Variants in KAT6B observed in about 807,000 individuals in gnomAD.
KAT6B encodes the protein lysine acetyltransferase 6B, also known as histone acetyltransferase KAT6B.
Under a neutral mutation model 187.5 loss-of-function variants are expected in KAT6B, and 10 were observed. The ratio of observed to expected loss-of-function variants is 0.05; its 90% CI spans 0.03 to 0.09. The LOEUF (loss-of-function observed/expected upper bound fraction) is 0.09, where lower values mean the gene tolerates loss of function less well. Ranked by LOEUF, KAT6B falls within the 10% of genes least tolerant of loss-of-function variation. The probability of loss-of-function intolerance (pLI) is 1.00; values close to 1 mark genes in which losing one functional copy is unlikely to be tolerated. For synonymous variants in KAT6B, 861 were observed against 926.8 expected (o/e 0.93, Z 1.29); for missense variants, 1,952 against 2,558.9 (o/e 0.76, Z 5.12).
chr10:74,843,965 C>T (rs1841929756), intron 3 of KAT6B, among the ~76,000 whole-genome samples: 1 of 151,980 alleles, frequency 6.6e-6, no homozygotes, highest in South Asian at 2.1e-4. Context: ...CCTCTGCCTC[C>T]CAGGTTTAAG....
chr10:74,869,229 C>G (rs1589511932), intron 3 of KAT6B, among the ~76,000 whole-genome samples: 1 of 152,204 alleles, frequency 6.6e-6, no homozygotes, highest in East Asian at 1.9e-4. Context: ...ATAATCAAAG[C>G]ATATATACAG....
chr10:74,975,550 A>C lies in KAT6B; in HGVS notation c.1213A>C (p.Thr405Pro), dbSNP rs755528779. Residue 405 changes from threonine (T) to proline (P), a missense_variant, in exon 8 of 18, where the codon ACT becomes CCT. By Grantham distance (38) the Thr-to-Pro change is conservative. Around this residue, in one of 9 missense-constraint regions of KAT6B, gnomAD observed 417 missense variants for 508.9 expected, o/e 0.82. Coordinates refer to ENST00000287239, the MANE Select transcript of KAT6B (RefSeq NM_012330.4). ...SSSRLAVTDP[T>P]RPGATTKITT... ...CAGCAGATTGGCTGTTACAGACCCC[A>C]CTCGGCCTGGTGCCACCACCAAAAT... 3.7e-6 allele frequency: 6 copies of C among 1,613,846 alleles called. No homozygotes were observed. Among genetic ancestry groups the C allele is most frequent in the Non-Finnish European group, 5.1e-6 (6 of 1,179,974 alleles).
intron 13 of KAT6B, among the ~76,000 whole-genome samples, chr10:74,992,220 G>A (rs1564610301): frequency 2.0e-5 from 3 of 152,120 alleles, no homozygotes; most frequent in Admixed American, 6.6e-5. Context: ...GCTGAAACAC[G>A]ATACGAGCAG....
At position 74,900,953 on chromosome 10, in the gene KAT6B, A is replaced by G. The variant is rs937339515; in HGVS notation, c.621+57475A>G. ...CATTCACCTAATACTCCATGAAAGT[A>G]TATATTCTTGAGTGTCCTAAGTGTG... On this transcript the variant is annotated intron_variant, in intron 3 of 17. Coordinates refer to ENST00000287239, the MANE Select transcript of KAT6B (RefSeq NM_012330.4). 2.6e-5 allele frequency among the ~76,000 whole-genome samples: 4 copies of G among 152,300 alleles called. No homozygotes were observed. The East Asian group carries it at 7.7e-4, about 29-fold the overall frequency.
At chr10:74,919,617 G>C (rs1221012106) in intron 3 of KAT6B, among the ~76,000 whole-genome samples, 1 of 152,132 alleles carries the variant, frequency 6.6e-6, no homozygotes, top group Non-Finnish European at 1.5e-5. Flanking sequence ...TGGCCAGGCT[G>C]GTCTTGAACT....
intron 3 of KAT6B, among the ~76,000 whole-genome samples, chr10:74,940,422 C>A (rs940401700): frequency 2.6e-5 from 4 of 151,350 alleles, no homozygotes; most frequent in African/African-American, 7.3e-5. Flanking sequence ...ACTACAGGCA[C>A]GTGCCACCAT....
At chr10:75,027,438 A>T (rs1473263762) in intron 17 of KAT6B, among the ~76,000 whole-genome samples, 1 of 152,174 alleles carries the variant, frequency 6.6e-6, no homozygotes, top group Non-Finnish European at 1.5e-5. Flanking sequence ...TGATTGTGAG[A>T]TCTTATTTTT....
chr10:75,008,032 T>C (rs560393986), intron 13 of KAT6B, among the ~76,000 whole-genome samples: 2 of 152,340 alleles, frequency 1.3e-5, no homozygotes, highest in South Asian at 4.1e-4. Context: ...TTGAGTCTAG[T>C]TCATTAGAGA....
At chr10:74,871,185 CTTTTTTTT>C (rs746074814) in intron 3 of KAT6B, among the ~76,000 whole-genome samples, 13 of 76,742 alleles carry the variant, frequency 1.7e-4, no homozygotes, top group African/African-American at 6.1e-4. Context: ...CAAGCCTGGC[CTTTTTTTT>C]TTTTTTTTTT....
chr10:74,943,171 T>G (rs1157093106), intron 3 of KAT6B, among the ~76,000 whole-genome samples: 1 of 152,214 alleles, frequency 6.6e-6, no homozygotes, highest in Non-Finnish European at 1.5e-5. Context: ...TAAAGTTGCA[T>G]TTCTATATGG....
intron 3 of KAT6B, among the ~76,000 whole-genome samples, chr10:74,889,316 G>A (rs928938322): frequency 7.2e-5 from 11 of 152,144 alleles, no homozygotes; most frequent in African/African-American, 2.2e-4. Flanking sequence ...TGTCTCTGAT[G>A]TCTGATCCAT....
chr10:74,845,850 C>G (rs1486724440), intron 3 of KAT6B, among the ~76,000 whole-genome samples: 6 of 147,606 alleles, frequency 4.1e-5, no homozygotes, highest in African/African-American at 1.5e-4. Flanking sequence ...GGCAAACCAC[C>G]TGGTCCTACA....
chr10:74,993,299 G>A (rs1228612526), intron 13 of KAT6B, among the ~76,000 whole-genome samples: 2 of 152,190 alleles, frequency 1.3e-5, no homozygotes, highest in Non-Finnish European at 2.9e-5. Flanking sequence ...CAGACTTAGA[G>A]AAAAGCTCTA....
intron 3 of KAT6B, among the ~76,000 whole-genome samples, chr10:74,877,481 T>C (rs1191485927): frequency 6.6e-6 from 1 of 152,230 alleles, no homozygotes; most frequent in African/African-American, 2.4e-5. Flanking sequence ...ACTCCCTTTA[T>C]TGCAGTTTTG....
At chr10:74,957,019 A>G (rs1868625) in intron 3 of KAT6B, among the ~76,000 whole-genome samples, 19,417 of 152,204 alleles carry the variant, frequency 0.13, 1,959 homozygotes, top group South Asian at 0.28. Context: ...ACTTACCTGT[A>G]GTAGATTTGT....
intron 13 of KAT6B, among the ~76,000 whole-genome samples, chr10:74,994,996 A>T (rs907442838): frequency 7.2e-5 from 11 of 152,104 alleles, no homozygotes; most frequent in Admixed American, 5.2e-4. Context: ...TCCCTTCATG[A>T]GTTCAGACCA....
chr10:74,920,459 C>T lies in KAT6B; in HGVS notation c.622-39511C>T, dbSNP rs985323809. On this transcript the variant is annotated intron_variant, in intron 3 of 17. Transcript: ENST00000287239. ...CTTCCTGTCCTCACCAATTTTTGAC[C>T]GAAAATTCAACCCTATGTTGTTAGC... Among the ~76,000 whole-genome samples the T allele has an allele frequency of 3.9e-5, 6 of 152,098 alleles. No individual in the cohort carries two copies. In the East Asian group the frequency reaches 5.8e-4, roughly 15 times the overall value.
At position 74,988,967 on chromosome 10, in the gene KAT6B, TG is replaced by T. The variant is rs1842968311; in HGVS notation, c.2536-51del. On this transcript the variant is annotated intron_variant, in intron 12 of 17. Coordinates refer to ENST00000287239, the MANE Select transcript of KAT6B (RefSeq NM_012330.4). ...AAGGACAGTGGCAGGTGCAGGGAAT[TG>T]CCCACTTCAGCAGGGCTCTGACATA... is the stretch of plus-strand genomic sequence containing the variant. 5.6e-6 allele frequency: 7 copies of T among 1,244,582 alleles called. No homozygotes were observed. In the South Asian group the frequency reaches 8.4e-5, roughly 15 times the overall value. The allele number at this position is 1,244,582 out of a possible 1,614,324, so 77.1% of individuals were successfully genotyped here. A position where few individuals can be genotyped will look rare whatever the true frequency, so the allele number is the denominator to read the frequency against.
chr10:74,827,643 TG>T lies in KAT6B; in HGVS notation c.-329+860del, dbSNP rs1477160142. ...GGCTGCTTAGAACTTGCAAAATCTGTGGCAGAAAATCTCCTGGGGACAAGGG... is the reference window on the plus strand; with the variant it reads ...GGCTGCTTAGAACTTGCAAAATCTGTGCAGAAAATCTCCTGGGGACAAGGG... On this transcript the variant is annotated intron_variant, in intron 1 of 17. Transcript: ENST00000287239. Among the ~76,000 whole-genome samples, 16 of 146,878 alleles carry T rather than the reference TG, an allele frequency of 1.1e-4. 1 individual carries two copies. Among genetic ancestry groups the T allele is most frequent in the South Asian group, 6.6e-4 (3 of 4,574 alleles).
Sources: allele counts gnomAD v4.1 joint callset (sites outside exome capture counted in the v4.1 genomes callset), GRCh38; gene constraint gnomAD v4.1.1; regional missense constraint gnomAD v4.1.1; transcripts MANE v1.5; gene names NCBI Gene and HGNC (gene_info 2026-07-23, HGNC 2026-07-21).